The following TOX2 variants were observed in gnomAD, a reference collection of about 807,000 sequenced individuals.
TOX2 encodes TOX high mobility group box family member 2.
In TOX2, 15 loss-of-function variants were observed where a neutral mutation model predicts 47.4. The observed-to-expected ratio is 0.32, with a 90% CI of 0.21 to 0.49. TOX2 has a LOEUF of 0.49. Ranked by LOEUF, TOX2 falls within the 20% of genes least tolerant of loss-of-function variation. TOX2 has a pLI of 0.99. For missense variants in TOX2, 622 were observed against 673.1 expected, an observed-to-expected ratio of 0.92 and a Z score of 0.84; for synonymous variants, 290 against 296.6, an observed-to-expected ratio of 0.98 and a Z score of 0.23.
chr20:43,920,791 T>C (rs2069104980), intron 1 of TOX2, among the ~76,000 whole-genome samples: 1 of 151,928 alleles, frequency 6.6e-6, no homozygotes, highest in South Asian at 2.1e-4. Flanking sequence ...GGGGTGGAAA[T>C]ATAATGAAAT....
At chr20:44,059,642 G>T (rs1281146887) in intron 5 of TOX2, among the ~76,000 whole-genome samples, 1 of 152,108 alleles carries the variant, frequency 6.6e-6, no homozygotes, top group Non-Finnish European at 1.5e-5. Flanking sequence ...TAAACGATTA[G>T]CCAAGAATTT....
At chr20:44,059,807 C>T (rs1297516618) in intron 5 of TOX2, among the ~76,000 whole-genome samples, 3 of 152,158 alleles carry the variant, frequency 2.0e-5, no homozygotes, top group African/African-American at 7.2e-5. Context: ...CTCCTTAAAG[C>T]ATAAATCTCA....
intron 3 of TOX2, among the ~76,000 whole-genome samples, chr20:44,042,344 T>G (rs1429800452): frequency 6.6e-6 from 1 of 152,204 alleles, no homozygotes; most frequent in Admixed American, 6.5e-5. Context: ...AAGATGAGAT[T>G]TGAGTGTGAA....
chr20:43,949,804 C>T (rs2069529205), intron 1 of TOX2, among the ~76,000 whole-genome samples: 1 of 152,216 alleles, frequency 6.6e-6, no homozygotes, highest in Non-Finnish European at 1.5e-5. Context: ...CCGCTTCTGT[C>T]ATTGTCCTCC....
At chr20:44,010,934 C>G (rs761085841) in intron 3 of TOX2, among the ~76,000 whole-genome samples, 29 of 152,162 alleles carry the variant, frequency 1.9e-4, no homozygotes, top group Middle Eastern at 3.2e-3. Flanking sequence ...TCAGGAGGAA[C>G]TCACTTTCCC....
intron 3 of TOX2, among the ~76,000 whole-genome samples, chr20:44,023,746 G>A (rs1416802386): frequency 6.6e-6 from 1 of 152,252 alleles, no homozygotes; most frequent in Non-Finnish European, 1.5e-5. Flanking sequence ...GGCACAGAAG[G>A]TCTGAGTCCC....
intron 3 of TOX2, among the ~76,000 whole-genome samples, chr20:44,031,850 A>C (rs2071158259): frequency 6.6e-6 from 1 of 152,142 alleles, no homozygotes; most frequent in Non-Finnish European, 1.5e-5. Flanking sequence ...ACATTCACTG[A>C]ACCCCCTGCT....
intron 1 of TOX2, among the ~76,000 whole-genome samples, chr20:43,949,575 C>T (rs994111477): frequency 6.6e-6 from 1 of 152,240 alleles, no homozygotes; most frequent in Non-Finnish European, 1.5e-5. Context: ...TGCAGAATCA[C>T]TGTCCTGCCA....
chr20:43,990,541 A>G (rs938175774), intron 2 of TOX2, among the ~76,000 whole-genome samples: 1 of 152,196 alleles, frequency 6.6e-6, no homozygotes. Context: ...TCTCAATGTC[A>G]CCTGGGAGGA....
At chr20:43,961,186 C>T (rs1258253143) in intron 1 of TOX2, among the ~76,000 whole-genome samples, 1 of 152,170 alleles carries the variant, frequency 6.6e-6, no homozygotes, top group African/African-American at 2.4e-5. Flanking sequence ...GGAAGGAGGA[C>T]AGCACAGGAG....
At chr20:44,064,648 C>T (rs1003428675) in intron 5 of TOX2, 129 bp from the exon 6 acceptor site, 5 of 835,410 alleles carry the variant, frequency 6.0e-6, no homozygotes, top group Middle Eastern at 4.7e-4. Flanking sequence ...GGCTGGCTGA[C>T]TCAGCTTCTG....
At chr20:43,924,442 G>A (rs1459937655) in intron 1 of TOX2, among the ~76,000 whole-genome samples, 1 of 151,782 alleles carries the variant, frequency 6.6e-6, no homozygotes, top group East Asian at 1.9e-4. Flanking sequence ...CTTCCTGTGT[G>A]TTAGGGAGGA....
At chr20:44,018,263 A>G in intron 3 of TOX2, among the ~76,000 whole-genome samples, 1 of 152,102 alleles carries the variant, frequency 6.6e-6, no homozygotes, top group Admixed American at 6.5e-5. Context: ...CACCCTTTCC[A>G]TCCCCTGCTG....
intron 3 of TOX2, among the ~76,000 whole-genome samples, chr20:44,013,667 G>A (rs1053581766): frequency 3.3e-5 from 5 of 152,184 alleles, no homozygotes; most frequent in Admixed American, 2.6e-4. Flanking sequence ...GCAGGTCAGC[G>A]AGGTAGTTGT....
chr20:44,010,977 C>T (rs2070769128), intron 3 of TOX2, among the ~76,000 whole-genome samples: 1 of 152,126 alleles, frequency 6.6e-6, no homozygotes, highest in Non-Finnish European at 1.5e-5. Flanking sequence ...AGCCTCGCTT[C>T]TCCTCCGGCT....
intron 3 of TOX2, among the ~76,000 whole-genome samples, chr20:44,047,027 A>G (rs1432518890): frequency 6.6e-6 from 1 of 152,264 alleles, no homozygotes; most frequent in Admixed American, 6.5e-5. Context: ...CAAAGGATAC[A>G]TTAAATAAAA....
chr20:43,996,010 A>C (rs2070471691), intron 2 of TOX2, among the ~76,000 whole-genome samples: 1 of 152,164 alleles, frequency 6.6e-6, no homozygotes, highest in Non-Finnish European at 1.5e-5. Context: ...AATGATTTAT[A>C]TTCTTCTGGG....
At chr20:43,926,792 C>T (rs1043239207) in intron 1 of TOX2, among the ~76,000 whole-genome samples, 1 of 152,224 alleles carries the variant, frequency 6.6e-6, no homozygotes, top group Non-Finnish European at 1.5e-5. Context: ...CACTTGGCAC[C>T]AGTCTCCTCG....
chr20:43,934,677 G>A (rs2069301136), intron 1 of TOX2, among the ~76,000 whole-genome samples: 1 of 152,112 alleles, frequency 6.6e-6, no homozygotes, highest in South Asian at 2.1e-4. Context: ...AGGGCTTTGG[G>A]GCAGGCGTGA....
Sources: allele counts gnomAD v4.1 joint callset (sites outside exome capture counted in the v4.1 genomes callset), GRCh38; gene constraint gnomAD v4.1.1; transcripts MANE v1.5; gene names NCBI Gene and HGNC (gene_info 2026-07-23, HGNC 2026-07-21).